LVRN: variants seen among roughly 807,000 people sequenced by gnomAD.
The protein encoded by LVRN is aminopeptidase Q.
Under a neutral mutation model 111.4 loss-of-function variants are expected in LVRN, and 99 were observed. That is an observed-to-expected ratio of 0.89 (90% CI 0.76 to 1.05). LVRN has a LOEUF of 1.05. Ranked by LOEUF, LVRN falls within the 50% of genes least tolerant of loss-of-function variation. The pLI is 0.00. For missense variants in LVRN, 1,414 were observed against 1,206.8 expected (o/e 1.17, Z -2.54); for synonymous variants, 488 against 449.5 (o/e 1.09, Z -1.08).
Position 115,963,077 on chromosome 5 carries a change from G to T in LVRN, c.460G>T (p.Glu154Ter). 6.2e-7 allele frequency: 1 copy of T among 1,613,672 alleles called. No individual in the cohort carries two copies. ...GCTGCATAGCCTCTTCCAGGACTGC[G>T]AGCGCGCCGAGGTGCGGGGACCCCT... is the stretch of plus-strand genomic sequence containing the variant. ...LLLHSLFQDC[E>*]RAEVRGPLSP... The change falls in exon 1 of 20, where the codon GAG (glutamate) becomes TAG (stop). Residue 154 changes from glutamate (E) to a stop codon, truncating the protein, a stop_gained. Coordinates refer to ENST00000357872, the MANE Select transcript of LVRN (RefSeq NM_173800.5). LOFTEE classifies it high-confidence loss of function.
rs183344786 is a variant in LVRN at position 115,969,536 on chromosome 5, G to A, written c.695+6224G>A. Among the ~76,000 whole-genome samples, 43 of 152,014 alleles carry A rather than the reference G, an allele frequency of 2.8e-4. No homozygotes were observed. The East Asian group carries it at 8.3e-3, about 29-fold the overall frequency. On this transcript the variant is annotated intron_variant, in intron 1 of 19. Transcript: ENST00000357872. ...TTTTTGGCCTGGTATGGTGGCTCAC[G>A]CCTGTAATCCCAGCACTTTGGGAGG...
At position 115,972,931 on chromosome 5, in the gene LVRN, AT is replaced by A. The variant is rs112948239; in HGVS notation, c.695+9632del. 5.9e-3 allele frequency among the ~76,000 whole-genome samples: 839 copies of A among 143,288 alleles called. 4 individuals are homozygous for A. Among genetic ancestry groups the A allele is most frequent in the South Asian group, 0.017 (78 of 4,566 alleles). The allele number at this position is 143,288 out of a possible 152,430, so 94.0% of individuals were successfully genotyped here. A position where few individuals can be genotyped will look rare whatever the true frequency, so the allele number is the denominator to read the frequency against. On this transcript the variant is annotated intron_variant, in intron 1 of 19. Transcript: ENST00000357872. ...TTTTCTAATGATAAACTAGCCTTGCATTTTTTTTTTTTTCCAGACAGGGTCT... is the reference window on the plus strand; with the variant it reads ...TTTTCTAATGATAAACTAGCCTTGCATTTTTTTTTTTTCCAGACAGGGTCT...
At position 116,022,428 on chromosome 5, in the gene LVRN, A is replaced by T. The variant is rs1410600606; in HGVS notation, c.2794A>T (p.Ile932Leu). The T allele has an allele frequency of 6.4e-7, 1 of 1,566,658 alleles. No homozygotes were observed. The highest frequency in any genetic ancestry group is 1.4e-5 in the African/African-American group (1 of 72,918). Reference protein sequence around the residue: ...TQSLINLIYTIGRTVTTDLQI... With the variant: ...TQSLINLIYTLGRTVTTDLQI... ...ATCATTGATTAATCTAATATATACAATAGGGAGAACCGTAACTACAGATTT... is the reference window on the plus strand; with the variant it reads ...ATCATTGATTAATCTAATATATACATTAGGGAGAACCGTAACTACAGATTT... The change falls in exon 19 of 20, where the codon ATA becomes TTA. Residue 932 changes from isoleucine to leucine, a missense_variant. Physicochemically the swap from Ile to Leu is conservative, Grantham distance 5. Coordinates refer to ENST00000357872, the MANE Select transcript of LVRN (RefSeq NM_173800.5).
In LVRN at chr5:116,012,200, C is replaced by T. The variant is rs181592251; in HGVS notation, c.2248-174C>T. On this transcript the variant is annotated intron_variant, in intron 14 of 19. Transcript: ENST00000357872. ...CATTTTATGAAAAATGGAACTAAAC[C>T]GAAAGAGGTTAAAAAATAAACCAGT... Among the ~76,000 whole-genome samples, 170 of 151,852 alleles carry T rather than the reference C, an allele frequency of 1.1e-3. 1 individual carries two copies. In the East Asian group the frequency reaches 0.013, roughly 11 times the overall value.
At position 115,963,053 on chromosome 5, in the gene LVRN, C is replaced by T; in HGVS notation, c.436C>T (p.Leu146=). The change falls in exon 1 of 20, where the codon CTG becomes TTG. Residue 146 remains leucine, a synonymous_variant. Transcript: ENST00000357872. ...CACGGTGGCCACCTCTCGACTGCTG[C>T]TGCATAGCCTCTTCCAGGACTGCGA... ...RCTVATSRLL[L]HSLFQDCERA... 1.9e-6 allele frequency: 3 copies of T among 1,613,754 alleles called. No homozygotes were observed. Among genetic ancestry groups the T allele is most frequent in the Non-Finnish European group, 2.5e-6 (3 of 1,179,950 alleles).
intron 3 of LVRN, among the ~76,000 whole-genome samples, chr5:115,984,944 G>C (rs141341186): frequency 2.6e-3 from 396 of 152,296 alleles, no homozygotes; most frequent in African/African-American, 9.1e-3. Context: ...ACTCATCAAG[G>C]CAAGGTCTGT....
At chr5:115,995,717 C>T (rs940659360) in intron 6 of LVRN, among the ~76,000 whole-genome samples, 1 of 152,190 alleles carries the variant, frequency 6.6e-6, no homozygotes, top group African/African-American at 2.4e-5. Context: ...ACACATACAT[C>T]ATCTTACTCA....
chr5:116,014,317 A>G lies in LVRN; in HGVS notation c.2343-103A>G, dbSNP rs1748553198. The G allele has an allele frequency of 2.0e-5, 16 of 800,752 alleles. No homozygotes were observed. In the South Asian group the frequency reaches 2.6e-4, roughly 13 times the overall value. 49.6% of individuals were successfully genotyped at this position (800,752 alleles called of 1,614,324 possible). Reference sequence around the variant, plus strand: ...ACAAACCTGATGTCATTGAAAGGATATTTAAAAATACCCATCTTTTTATGA... The same window carrying G: ...ACAAACCTGATGTCATTGAAAGGATGTTTAAAAATACCCATCTTTTTATGA... On this transcript the variant is annotated intron_variant, in intron 15 of 19. Transcript: ENST00000357872.
intron 19 of LVRN, among the ~76,000 whole-genome samples, chr5:116,025,227 A>G (rs759285992): frequency 2.6e-5 from 4 of 152,186 alleles, no homozygotes; most frequent in Admixed American, 6.5e-5. Flanking sequence ...TTTCTTTTAC[A>G]TTGTAATTAG....
chr5:115,986,078 C>T (rs58292430), intron 3 of LVRN, among the ~76,000 whole-genome samples: 3,002 of 152,262 alleles, frequency 0.02, 100 homozygotes, highest in African/African-American at 0.068. Flanking sequence ...GTTGGCTGAG[C>T]GATTCTCAAA....
At chr5:115,986,590 A>G (rs1488971038) in intron 3 of LVRN, among the ~76,000 whole-genome samples, 10 of 152,218 alleles carry the variant, frequency 6.6e-5, no homozygotes, top group Admixed American at 1.3e-4. Context: ...TCAGCTTTAC[A>G]AAGTTAATGG....
chr5:116,024,076 A>G (rs920635296), intron 19 of LVRN, among the ~76,000 whole-genome samples: 1 of 152,208 alleles, frequency 6.6e-6, no homozygotes, highest in Non-Finnish European at 1.5e-5. Flanking sequence ...AGGGCAGATC[A>G]GTGGTTTCCT....
At chr5:115,976,349 G>T (rs1281524727) in intron 1 of LVRN, 1 of 152,140 alleles carries the variant, frequency 6.6e-6, no homozygotes, top group East Asian at 1.9e-4. Context: ...TTGTAGGACT[G>T]GTGTCAAGAT....
At chr5:116,024,674 G>A (rs1306413638) in intron 19 of LVRN, among the ~76,000 whole-genome samples, 2 of 152,152 alleles carry the variant, frequency 1.3e-5, no homozygotes, top group Non-Finnish European at 2.9e-5. Context: ...TGTTGTTAAT[G>A]AATGAATAAA....
chr5:116,009,783 G>C (rs2112622067), intron 13 of LVRN, among the ~76,000 whole-genome samples: 1 of 152,282 alleles, frequency 6.6e-6, no homozygotes, highest in Admixed American at 6.5e-5. Flanking sequence ...TGCTTCTTAT[G>C]GATGAGCAAG....
chr5:115,991,397 T>C (rs1465131184), intron 4 of LVRN, among the ~76,000 whole-genome samples: 1 of 152,250 alleles, frequency 6.6e-6, no homozygotes, highest in Non-Finnish European at 1.5e-5. Context: ...CATCACTGAA[T>C]AATACTCTGT....
At chr5:115,992,767 G>A (rs192785574) in intron 5 of LVRN, among the ~76,000 whole-genome samples, 6 of 152,316 alleles carry the variant, frequency 3.9e-5, no homozygotes, top group Admixed American at 1.3e-4. Flanking sequence ...CCCAATGGTT[G>A]TGTAAATGAC....
intron 1 of LVRN, among the ~76,000 whole-genome samples, chr5:115,968,102 G>A (rs1396649644): frequency 2.0e-5 from 3 of 152,006 alleles, no homozygotes; most frequent in Non-Finnish European, 4.4e-5. Context: ...TGATTGTGTT[G>A]GGTAAAACTT....
At chr5:115,989,943 C>G (rs188447460) in intron 4 of LVRN, among the ~76,000 whole-genome samples, 4 of 152,228 alleles carry the variant, frequency 2.6e-5, no homozygotes, top group Admixed American at 6.5e-5. Flanking sequence ...CCTCCCCTAC[C>G]AGCATTTCCC....
Sources: gnomAD v4.1 joint callset for allele counts (sites outside exome capture counted in the v4.1 genomes callset) on GRCh38, gnomAD v4.1.1 for gene constraint, MANE v1.5 for transcripts, NCBI Gene and HGNC (gene_info 2026-07-23, HGNC 2026-07-21) for gene names.